PLEKHH2: variants seen among roughly 807,000 people sequenced by gnomAD.
PLEKHH2 encodes the protein pleckstrin homology domain-containing family H member 2.
PLEKHH2 carries 129 observed loss-of-function variants against 187.9 expected under a neutral mutation model. That is an observed-to-expected ratio of 0.69 (90% CI 0.59 to 0.79). The LOEUF (loss-of-function observed/expected upper bound fraction) is 0.79, where lower values mean the gene tolerates loss of function less well. Among genes scored for constraint, PLEKHH2 ranks in the 30% least tolerant of loss-of-function variants. The pLI is 0.00. For synonymous variants in PLEKHH2, 686 were observed against 605.6 expected (o/e 1.13, Z -1.95); for missense variants, 2,076 against 1,751.2 (o/e 1.19, Z -3.31).
intron 3 of PLEKHH2, among the ~76,000 whole-genome samples, chr2:43,689,340 A>G (rs1668683596): frequency 6.6e-6 from 1 of 152,218 alleles, no homozygotes; most frequent in Non-Finnish European, 1.5e-5. Flanking sequence ...TAGCCTAAAA[A>G]CAGGAAGCAT....
intron 3 of PLEKHH2, among the ~76,000 whole-genome samples, chr2:43,686,836 T>C (rs967172478): frequency 6.6e-5 from 10 of 152,190 alleles, no homozygotes; most frequent in African/African-American, 2.2e-4. Flanking sequence ...TAAGAAGCTT[T>C]AAAAAGATAT....
intron 15 of PLEKHH2, among the ~76,000 whole-genome samples, chr2:43,713,109 C>G (rs1670047620): frequency 6.6e-6 from 1 of 152,102 alleles, no homozygotes; most frequent in Admixed American, 6.6e-5. Flanking sequence ...AACACACACA[C>G]ACACACACGC....
intron 24 of PLEKHH2, among the ~76,000 whole-genome samples, chr2:43,747,409 G>C (rs1671828330): frequency 6.6e-6 from 1 of 152,146 alleles, no homozygotes; most frequent in African/African-American, 2.4e-5. Context: ...TTTATACCAA[G>C]TTCAGAGGGA....
chr2:43,751,782 A>G (rs1273901847), intron 24 of PLEKHH2, among the ~76,000 whole-genome samples: 2 of 152,206 alleles, frequency 1.3e-5, no homozygotes, highest in East Asian at 3.8e-4. Flanking sequence ...TTCAAGCTCC[A>G]TGGATTTGAT....
intron 19 of PLEKHH2, among the ~76,000 whole-genome samples, chr2:43,733,876 A>G (rs1671167840): frequency 6.6e-6 from 1 of 152,220 alleles, no homozygotes; most frequent in Admixed American, 6.5e-5. Flanking sequence ...AGAGTACACC[A>G]ATACCTAAAG....
intron 3 of PLEKHH2, chr2:43,681,200 CAG>C (rs1350769860): frequency 3.0e-6 from 2 of 673,552 alleles, no homozygotes; most frequent in Non-Finnish European, 5.2e-6. Context: ...TCAAAGAATA[CAG>C]AAAGCTGTTT....
chr2:43,679,399 C>A, intron 3 of PLEKHH2: 2 of 201,336 alleles, frequency 9.9e-6, no homozygotes, highest in South Asian at 3.3e-5. Flanking sequence ...AAAGTCAAAC[C>A]TAAGAGTTAA....
At chr2:43,760,900 T>C (rs1225394877) in intron 27 of PLEKHH2, among the ~76,000 whole-genome samples, 1 of 152,248 alleles carries the variant, frequency 6.6e-6, no homozygotes. Context: ...TTTGTGCTTT[T>C]GTTATTGGCT....
intron 19 of PLEKHH2, among the ~76,000 whole-genome samples, chr2:43,737,233 A>T (rs1207292442): frequency 6.6e-6 from 1 of 152,200 alleles, no homozygotes; most frequent in Non-Finnish European, 1.5e-5. Flanking sequence ...GCATACCAAA[A>T]AGTCCAGTGC....
At position 43,729,365 on chromosome 2, in the gene PLEKHH2, C is replaced by T. The variant is rs185061657; in HGVS notation, c.2722-272C>T. 2.0e-5 allele frequency among the ~76,000 whole-genome samples: 3 copies of T among 152,148 alleles called. No individual in the cohort carries two copies. The East Asian group carries it at 5.8e-4, about 29-fold the overall frequency. Reference sequence around the variant, plus strand: ...AGAATATCAGCTGGTTGTATTTAGTCTCTTAACATGTGTTACTCGTCTTAA... The same window carrying T: ...AGAATATCAGCTGGTTGTATTTAGTTTCTTAACATGTGTTACTCGTCTTAA... On this transcript the variant is annotated intron_variant, in intron 17 of 29. Coordinates refer to ENST00000282406, the MANE Select transcript of PLEKHH2 (RefSeq NM_172069.4).
At chr2:43,682,835 T>C (rs1668273639) in intron 3 of PLEKHH2, among the ~76,000 whole-genome samples, 2 of 152,182 alleles carry the variant, frequency 1.3e-5, no homozygotes, top group Non-Finnish European at 2.9e-5. Context: ...ATTTGATCTT[T>C]AGTGTCTGGC....
intron 2 of PLEKHH2, among the ~76,000 whole-genome samples, chr2:43,670,722 G>A (rs1400615725): frequency 1.3e-5 from 2 of 151,900 alleles, no homozygotes; most frequent in African/African-American, 4.8e-5. Flanking sequence ...AGGCCTGCTA[G>A]GATTTTGATT....
In PLEKHH2 at chr2:43,700,048, A is replaced by G; in HGVS notation, c.1090A>G (p.Asn364Asp). 1.2e-6 allele frequency: 2 copies of G among 1,614,174 alleles called. No homozygotes were observed. Among genetic ancestry groups the G allele is most frequent in the East Asian group, 4.5e-5 (2 of 44,878 alleles). Residue 364 changes from asparagine to aspartate, a missense_variant, in exon 8 of 30, where the codon AAT (asparagine) becomes GAT (aspartate). Transcript: ENST00000282406. ...GCAGGAGGCACAGTGGAAAGCTCTA[A>G]ATAGTCCTCTTGGAAAGGGAAATTC... ...WQQEAQWKAL[N>D]SPLGKGNSEL...
At position 43,712,329 on chromosome 2, in the gene PLEKHH2, C is replaced by G; in HGVS notation, c.2406C>G (p.Asn802Lys). The G allele has an allele frequency of 6.2e-6, 10 of 1,614,164 alleles. No homozygotes were observed. The highest frequency in any genetic ancestry group is 8.5e-6 in the Non-Finnish European group (10 of 1,180,018). ...ATGTTCTTCGAGTACAAGCTGCCAA[C>G]CCACTTTCCCTGCAGCCTGAGGGCA... Reference protein sequence around the residue: ...LQNVLRVQAANPLSLQPEGKP... With the variant: ...LQNVLRVQAAKPLSLQPEGKP... The change falls in exon 15 of 30, where the codon AAC (asparagine) becomes AAG (lysine). Residue 802 changes from asparagine to lysine, a missense_variant. Coordinates refer to ENST00000282406, the MANE Select transcript of PLEKHH2 (RefSeq NM_172069.4).
At chr2:43,682,939 TACACAC>T (rs148292692) in intron 3 of PLEKHH2, among the ~76,000 whole-genome samples, 1 of 149,744 alleles carries the variant, frequency 6.7e-6, no homozygotes, top group African/African-American at 2.5e-5. Flanking sequence ...GTTCCATATA[TACACAC>T]ACACACACAC....
Position 43,647,584 on chromosome 2 carries a change from G to A in PLEKHH2, c.123+2788G>A, listed in dbSNP as rs550335173. On this transcript the variant is annotated intron_variant, in intron 2 of 29. Coordinates refer to ENST00000282406, the MANE Select transcript of PLEKHH2 (RefSeq NM_172069.4). Reference sequence around the variant, plus strand: ...GTGTATGTATGTATGTAGTAATAACGATTTACCTAACATTATGTATTTTTC... The same window carrying A: ...GTGTATGTATGTATGTAGTAATAACAATTTACCTAACATTATGTATTTTTC... 5.3e-5 allele frequency among the ~76,000 whole-genome samples: 8 copies of A among 152,114 alleles called. No homozygotes were observed. The East Asian group carries it at 9.7e-4, about 18-fold the overall frequency.
intron 2 of PLEKHH2, among the ~76,000 whole-genome samples, chr2:43,668,542 A>T (rs911199457): frequency 6.6e-6 from 1 of 152,184 alleles, no homozygotes; most frequent in African/African-American, 2.4e-5. Context: ...CAGGCTACTT[A>T]TAGTTTTCCA....
At position 43,753,684 on chromosome 2, in the gene PLEKHH2, C is replaced by A; in HGVS notation, c.3719C>A (p.Thr1240Lys). Residue 1240 changes from threonine (T) to lysine (K), a missense_variant, in exon 25 of 30, where the codon ACA becomes AAA. Coordinates refer to ENST00000282406, the MANE Select transcript of PLEKHH2 (RefSeq NM_172069.4). The stretch of plus-strand genomic sequence containing the variant: ...GAAAAGTTGCTGTTAATGTATCAGA[C>A]AAATGATCAAATCATAAATGGACTT... ...DREKLLLMYQ[T>K]NDQIINGLFP... 2 of 1,582,790 alleles carry A rather than the reference C, an allele frequency of 1.3e-6. No individual in the cohort carries two copies. Among genetic ancestry groups the A allele is most frequent in the East Asian group, 2.3e-5 (1 of 43,514 alleles).
rs114910302 is a variant in PLEKHH2, at chr2:43,690,562, T to G, written c.187-1952T>G. On this transcript the variant is annotated intron_variant, in intron 3 of 29. Transcript: ENST00000282406. ...ATATTTTTTAGCTTTAAGTAAGGAT[T>G]CCTTTTGACTTTTCAGAAGTGTTTT... Among the ~76,000 whole-genome samples the G allele has an allele frequency of 8.4e-3, 1,276 of 152,320 alleles. 21 individuals are homozygous for G. Among genetic ancestry groups the G allele is most frequent in the African/African-American group, 0.03 (1,230 of 41,578 alleles).
Sources: allele counts gnomAD v4.1 joint callset (sites outside exome capture counted in the v4.1 genomes callset), GRCh38; gene constraint gnomAD v4.1.1; transcripts MANE v1.5; gene names NCBI Gene and HGNC (gene_info 2026-07-23, HGNC 2026-07-21).